The following RBFOX1 variants were observed in gnomAD, a reference collection of about 807,000 sequenced individuals.
RBFOX1 encodes RNA binding protein fox-1 homolog 1.
A neutral mutation model predicts 57.7 loss-of-function variants in RBFOX1; 8 were observed. The observed-to-expected ratio is 0.14, with a 90% CI of 0.08 to 0.25. The LOEUF (loss-of-function observed/expected upper bound fraction) is 0.25, where lower values mean the gene tolerates loss of function less well. Among genes scored for constraint, RBFOX1 ranks in the 10% least tolerant of loss-of-function variants. RBFOX1 has a pLI of 1.00. For missense variants in RBFOX1, 611 were observed against 548.5 expected (o/e 1.11, Z -1.14); for synonymous variants, 326 against 222.4 (o/e 1.47, Z -4.15).
At chr16:6,926,608 G>A (rs2075632040) in intron 3 of RBFOX1, among the ~76,000 whole-genome samples, 1 of 152,200 alleles carries the variant, frequency 6.6e-6, no homozygotes, top group Non-Finnish European at 1.5e-5. Flanking sequence ...TGCTGGGGCT[G>A]TCTCCTCCCT....
At chr16:6,508,446 AC>A (rs1416139861) in intron 2 of RBFOX1, among the ~76,000 whole-genome samples, 1 of 152,192 alleles carries the variant, frequency 6.6e-6, no homozygotes, top group African/African-American at 2.4e-5. Context: ...GGGTTTTTTA[AC>A]CACAGTAAAA....
intron 3 of RBFOX1, among the ~76,000 whole-genome samples, chr16:5,612,945 C>A (rs990426668): frequency 6.6e-6 from 1 of 152,190 alleles, no homozygotes; most frequent in African/African-American, 2.4e-5. Context: ...CCCTTCCTGG[C>A]ACATAGAAAG....
chr16:5,615,368 A>G (rs530800530), intron 3 of RBFOX1, among the ~76,000 whole-genome samples: 1 of 152,310 alleles, frequency 6.6e-6, no homozygotes, highest in South Asian at 2.1e-4. Context: ...CAAAGCTGCC[A>G]CTTTTTGATG....
At chr16:5,293,315 C>T (rs187209496) in intron 1 of RBFOX1, among the ~76,000 whole-genome samples, 74 of 152,238 alleles carry the variant, frequency 4.9e-4, no homozygotes, top group African/African-American at 1.6e-3. Context: ...AAATCGGTCA[C>T]GCTGTGTTGA....
rs1246768138 is a variant in RBFOX1 at position 5,654,930 on chromosome 16, A to G, written c.318+55969A>G. Reference sequence around the variant, plus strand: ...TCTCTTCTCATCTCTGTACCATTTCAGCATCCAGGACAGCTCCCCCCCAGC... The same window carrying G: ...TCTCTTCTCATCTCTGTACCATTTCGGCATCCAGGACAGCTCCCCCCCAGC... On this transcript the variant is annotated intron_variant, in intron 3 of 19. Coordinates refer to the RBFOX1 transcript ENST00000641259. Among the ~76,000 whole-genome samples the G allele has an allele frequency of 2.6e-5, 4 of 152,058 alleles. No homozygotes were observed. In the South Asian group the frequency reaches 6.2e-4, roughly 24 times the overall value.
chr16:5,497,448 G>A (rs1230210956), intron 2 of RBFOX1, among the ~76,000 whole-genome samples: 2 of 151,944 alleles, frequency 1.3e-5, no homozygotes, highest in African/African-American at 4.8e-5. Context: ...GACCCAGAGA[G>A]ACAAGAAAGA....
At chr16:6,444,700 A>G (rs2094450999) in intron 2 of RBFOX1, among the ~76,000 whole-genome samples, 1 of 152,150 alleles carries the variant, frequency 6.6e-6, no homozygotes, top group African/African-American at 2.4e-5. Context: ...ACAAGGCACA[A>G]TAAGAAGAAA....
At chr16:6,164,208 T>C (rs750740330) in intron 1 of RBFOX1, among the ~76,000 whole-genome samples, 1 of 152,194 alleles carries the variant, frequency 6.6e-6, no homozygotes, top group Non-Finnish European at 1.5e-5. Flanking sequence ...TTAGTCTACA[T>C]ATGCAAAATC....
chr16:6,150,267 C>A (rs567507613), intron 1 of RBFOX1, among the ~76,000 whole-genome samples: 48 of 152,146 alleles, frequency 3.2e-4, no homozygotes, highest in Admixed American at 1.8e-3. Context: ...TTAACAGAAT[C>A]CCCAGGAAGT....
intron 2 of RBFOX1, among the ~76,000 whole-genome samples, chr16:6,344,973 C>G (rs186994176): frequency 7.9e-5 from 12 of 152,062 alleles, no homozygotes; most frequent in African/African-American, 2.9e-4. Context: ...CCTGGTCTTA[C>G]AGAATCTTTG....
intron 1 of RBFOX1, among the ~76,000 whole-genome samples, chr16:5,373,231 G>A (rs1192615645): frequency 6.6e-6 from 1 of 152,152 alleles, no homozygotes; most frequent in Admixed American, 6.5e-5. Context: ...CGTGTTACTG[G>A]GTCGGAAAGA....
intron 3 of RBFOX1, among the ~76,000 whole-genome samples, chr16:6,754,603 T>C (rs2075485135): frequency 6.6e-6 from 1 of 152,146 alleles, no homozygotes; most frequent in Non-Finnish European, 1.5e-5. Context: ...ATTGGTTGTG[T>C]CTTGTTGAAT....
At chr16:6,767,668 C>T (rs1415488276) in intron 3 of RBFOX1, among the ~76,000 whole-genome samples, 1 of 151,986 alleles carries the variant, frequency 6.6e-6, no homozygotes, top group Non-Finnish European at 1.5e-5. Context: ...GTAATCCCAA[C>T]ACTTTGGGAG....
intron 3 of RBFOX1, among the ~76,000 whole-genome samples, chr16:6,920,968 G>C (rs1567886165): frequency 6.6e-6 from 1 of 152,154 alleles, no homozygotes; most frequent in South Asian, 2.1e-4. Context: ...ATCAGAGAAT[G>C]GATTCTATAG....
intron 4 of RBFOX1, among the ~76,000 whole-genome samples, chr16:7,479,386 T>C (rs2151167328): frequency 6.6e-6 from 1 of 152,258 alleles, no homozygotes; most frequent in South Asian, 2.1e-4. Flanking sequence ...TGGCTTGGCC[T>C]CCCAAAGTGC....
At chr16:7,093,528 C>A (rs182111662) in intron 4 of RBFOX1, among the ~76,000 whole-genome samples, 6 of 152,266 alleles carry the variant, frequency 3.9e-5, no homozygotes, top group Non-Finnish European at 8.8e-5. Flanking sequence ...CCCACTTATC[C>A]AGATACTCTT....
chr16:7,244,615 G>T (rs533235778), intron 4 of RBFOX1, among the ~76,000 whole-genome samples: 1 of 152,198 alleles, frequency 6.6e-6, no homozygotes, highest in Non-Finnish European at 1.5e-5. Context: ...CCTAGGGCTC[G>T]AGTTAGATTC....
chr16:5,740,730 A>C (rs577366887), intron 3 of RBFOX1, among the ~76,000 whole-genome samples: 4 of 152,146 alleles, frequency 2.6e-5, no homozygotes, highest in Admixed American at 2.0e-4. Flanking sequence ...CATGGTGGCA[A>C]AAGGGCTGTG....
chr16:5,644,616 G>C (rs1180038003), intron 3 of RBFOX1, among the ~76,000 whole-genome samples: 1 of 152,304 alleles, frequency 6.6e-6, no homozygotes. Flanking sequence ...CACAAGGTTG[G>C]CAATGTTGCT....
Sources: allele counts gnomAD v4.1 joint callset (sites outside exome capture counted in the v4.1 genomes callset), GRCh38; gene constraint gnomAD v4.1.1; transcripts MANE v1.5; gene names NCBI Gene and HGNC (gene_info 2026-07-23, HGNC 2026-07-21).